Variants in TFDP3 observed in about 807,000 individuals in gnomAD.
TFDP3 encodes transcription factor Dp family member 3.
For missense variants in TFDP3, 353 were observed against 321.6 expected, an observed-to-expected ratio of 1.10 and a Z score of -0.75; for synonymous variants, 167 against 131.3, an observed-to-expected ratio of 1.27 and a Z score of -1.86.
At position 133,218,110 on chromosome X, in the gene TFDP3, A is replaced by C. The variant is rs1233070888; in HGVS notation, c.150T>G (p.Ser50Arg). The C allele has an allele frequency of 8.3e-7, 1 of 1,211,174 alleles. No individual in the cohort carries two copies. Among genetic ancestry groups the C allele is most frequent in the South Asian group, 1.8e-5 (1 of 56,813 alleles). The part of the protein sequence containing the change: ...QLLPKTFGQS[S>R]VNIDQQVVIG... ...TTACCACTTGCTGGTCAATGTTGAC[A>C]CTGGACTGTCCAAAGGTTTTCGGCA... The change falls in exon 1 of 1, where the codon AGT becomes AGG. Residue 50 changes from serine to arginine, a missense_variant. Transcript: ENST00000310125.
At position 133,216,921 on chromosome X, in the gene TFDP3, G is replaced by A. The variant is rs1205298883; in HGVS notation, c.*121C>T. 40 of 1,000,306 alleles carry A rather than the reference G, an allele frequency of 4.0e-5. No homozygotes were observed. Among genetic ancestry groups the A allele is most frequent in the Non-Finnish European group, 5.1e-5 (39 of 766,289 alleles). The allele number at this position is 1,000,306 out of a possible 1,213,427, so 82.4% of individuals were successfully genotyped here. A position where few individuals can be genotyped will look rare whatever the true frequency, so the allele number is the denominator to read the frequency against. ...CAGAGGTGCATATCTAAATTCTATAGCTTACCAATATCTTCTTGGGAGTAG... is the reference window on the plus strand; with the variant it reads ...CAGAGGTGCATATCTAAATTCTATAACTTACCAATATCTTCTTGGGAGTAG... On this transcript the variant is annotated 3_prime_UTR_variant, in exon 1 of 1. Transcript: ENST00000310125.
Position 133,217,963 on chromosome X carries a change from C to T in TFDP3, c.297G>A (p.Gln99=), listed in dbSNP as rs1466889995. Residue 99 remains glutamine, a synonymous_variant, in exon 1 of 1, where the codon CAG becomes CAA. Transcript: ENST00000310125. The part of the protein sequence containing the change: ...HSYSSPPWAG[Q]HNRKGEKNGM... ...CATTCTTCTCTCCTTTCCTGTTGTG[C>T]TGCCCGGCCCAAGGAGGTGAGGAGT... 1 of 1,211,693 alleles carries T rather than the reference C, an allele frequency of 8.3e-7. No individual in the cohort carries two copies.
In TFDP3 at chrX:133,218,143, C is replaced by G; in HGVS notation, c.117G>C (p.Lys39Asn). 8.3e-7 allele frequency: 1 copy of G among 1,208,836 alleles called. No individual in the cohort carries two copies. Among genetic ancestry groups the G allele is most frequent in the Non-Finnish European group, 1.1e-6 (1 of 894,001 alleles). Residue 39 changes from lysine to asparagine, a missense_variant, in exon 1 of 1, where the codon AAG becomes AAC. Coordinates refer to ENST00000310125, the MANE Select transcript of TFDP3 (RefSeq NM_016521.3). ...VHTSTVNPLG[K>N]QLLPKTFGQS... ...GTCCAAAGGTTTTCGGCAAGAGCTG[C>G]TTCCCGAGCGGGTTCACGGTGGAGG...
rs368319334 is a variant in TFDP3 at position 133,218,031 on chromosome X, T to G, written c.229A>C (p.Asn77His). ...GAGGCAAAGTGAGTGCTGGGTGGGT[T>G]TGGGCTTCCTACCACAGGGATGTTT... ...ASNIPVVGSP[N>H]PPSTHFASQN... The change falls in exon 1 of 1, where the codon AAC becomes CAC. Residue 77 changes from asparagine (N) to histidine (H), a missense_variant. Transcript: ENST00000310125. 12 of 1,209,854 alleles carry G rather than the reference T, an allele frequency of 9.9e-6. No homozygotes were observed. Among genetic ancestry groups the G allele is most frequent in the South Asian group, 1.8e-5 (1 of 56,761 alleles).
Position 133,218,140 on chromosome X carries a change from C to G in TFDP3, c.120G>C (p.Gln40His), listed in dbSNP as rs779782280. The G allele has an allele frequency of 5.8e-6, 7 of 1,207,416 alleles. No individual in the cohort carries two copies. Among genetic ancestry groups the G allele is most frequent in the Non-Finnish European group, 7.8e-6 (7 of 893,993 alleles). Reference protein sequence around the residue: ...HTSTVNPLGKQLLPKTFGQSS... With the variant: ...HTSTVNPLGKHLLPKTFGQSS... The stretch of plus-strand genomic sequence containing the variant: ...ACTGTCCAAAGGTTTTCGGCAAGAG[C>G]TGCTTCCCGAGCGGGTTCACGGTGG... Residue 40 changes from glutamine to histidine, a missense_variant, in exon 1 of 1, where the codon CAG (glutamine) becomes CAC (histidine). Coordinates refer to ENST00000310125, the MANE Select transcript of TFDP3 (RefSeq NM_016521.3).
Position 133,217,398 on chromosome X carries a change from T to C in TFDP3, c.862A>G (p.Ile288Val). Residue 288 changes from isoleucine to valine, a missense_variant, in exon 1 of 1, where the codon ATC becomes GTC. Transcript: ENST00000310125. ...YLFKFNSSFE[I>V]HDDTEVLMWM... is the part of the protein sequence containing the mutation. ...ATCAGCACTTCTGTGTCATCGTGGA[T>C]TTCAAAGGAGCTGTTAAACTTAAAC... is the stretch of plus-strand genomic sequence containing the variant. The C allele has an allele frequency of 8.3e-7, 1 of 1,211,869 alleles. No homozygotes were observed. Among genetic ancestry groups the C allele is most frequent in the African/African-American group, 1.7e-5 (1 of 57,808 alleles).
At position 133,217,938 on chromosome X, in the gene TFDP3, C is replaced by T. The variant is rs1253380221; in HGVS notation, c.322G>A (p.Gly108Ser). Residue 108 changes from glycine (G) to serine (S), a missense_variant, in exon 1 of 1, where the codon GGC becomes AGC. Coordinates refer to ENST00000310125, the MANE Select transcript of TFDP3 (RefSeq NM_016521.3). The part of the protein sequence containing the change: ...GQHNRKGEKN[G>S]MGLCRLSMKV... ...ATGGAAAGACGGCACAGGCCCATGC[C>T]ATTCTTCTCTCCTTTCCTGTTGTGC... The T allele has an allele frequency of 5.0e-6, 6 of 1,210,194 alleles. No homozygotes were observed. Among genetic ancestry groups the T allele is most frequent in the Admixed American group, 2.2e-5 (1 of 45,828 alleles).
In TFDP3 at chrX:133,217,570, G is replaced by T. The variant is rs761613082; in HGVS notation, c.690C>A (p.Asn230Lys). The change falls in exon 1 of 1, where the codon AAC becomes AAA. Residue 230 changes from asparagine to lysine, a missense_variant. Physicochemically the swap from Asn to Lys is moderately conservative, Grantham distance 94. Transcript: ENST00000310125. ...QLILQQIAFK[N>K]LVLRNQYVEE... The stretch of plus-strand genomic sequence containing the variant: ...CCACATACTGGTTTCTCAGCACCAG[G>T]TTCTTGAAAGCAATTTGCTGTAGAA... The T allele has an allele frequency of 2.5e-6, 3 of 1,211,704 alleles. No individual in the cohort carries two copies. Among genetic ancestry groups the T allele is most frequent in the African/African-American group, 1.7e-5 (1 of 57,797 alleles).
Position 133,217,475 on chromosome X carries a change from C to T in TFDP3, c.785G>A (p.Ser262Asn). ...IHVPFIIISS[S>N]KKTVINCSIS... is the part of the protein sequence containing the mutation. The stretch of plus-strand genomic sequence containing the variant: ...GCTGCAGTTGATGACGGTCTTCTTG[C>T]TACTGCTGATGATGATGAAGGGCAC... Residue 262 changes from serine (S) to asparagine (N), a missense_variant, in exon 1 of 1, where the codon AGC (serine) becomes AAC (asparagine). Ser to Asn is a conservative substitution (Grantham distance 46). Transcript: ENST00000310125. 8.3e-7 allele frequency: 1 copy of T among 1,212,054 alleles called. No homozygotes were observed. Among genetic ancestry groups the T allele is most frequent in the Non-Finnish European group, 1.1e-6 (1 of 895,595 alleles).
rs2068011640 is a variant in TFDP3, at chrX:133,216,689, A to G, written c.*353T>C. On this transcript the variant is annotated 3_prime_UTR_variant, in exon 1 of 1. Transcript: ENST00000310125. ...ACTGTGCACAAAAGGAGAGCATTTT[A>G]TTTTCATGGATGTGGATGAAGTACA... 6.5e-6 allele frequency: 1 copy of G among 153,189 alleles called. No homozygotes were observed. The highest frequency in any genetic ancestry group is 2.6e-3 in the Middle Eastern group (1 of 384). 12.6% of individuals were successfully genotyped at this position (153,189 alleles called of 1,213,427 possible). A position where few individuals can be genotyped will look rare whatever the true frequency, so the allele number is the denominator to read the frequency against.
chrX:133,217,793 T>C lies in TFDP3; in HGVS notation c.467A>G (p.Asp156Gly), dbSNP rs754122896. The C allele has an allele frequency of 3.3e-6, 4 of 1,209,705 alleles. No homozygotes were observed. The East Asian group carries it at 1.2e-4, about 36-fold the overall frequency. ...NHASPNESAYDVKNIKRRTYD... is the reference protein window; with the variant it reads ...NHASPNESAYGVKNIKRRTYD... ...GGTGCGCCGTTTTATGTTTTTCACGTCATAAGCTGACTCGTTTGGTGAGGC... is the reference window on the plus strand; with the variant it reads ...GGTGCGCCGTTTTATGTTTTTCACGCCATAAGCTGACTCGTTTGGTGAGGC... The change falls in exon 1 of 1, where the codon GAC (aspartate) becomes GGC (glycine). Residue 156 changes from aspartate (D) to glycine (G), a missense_variant. Transcript: ENST00000310125.
chrX:133,217,982 G>A lies in TFDP3; in HGVS notation c.278C>T (p.Ser93Leu). The A allele has an allele frequency of 8.3e-7, 1 of 1,211,989 alleles. No individual in the cohort carries two copies. The highest frequency in any genetic ancestry group is 1.1e-6 in the Non-Finnish European group (1 of 895,603). Reference protein sequence around the residue: ...FASQNQHSYSSPPWAGQHNRK... With the variant: ...FASQNQHSYSLPPWAGQHNRK... Reference sequence around the variant, plus strand: ...GTTGTGCTGCCCGGCCCAAGGAGGTGAGGAGTAGGAATGCTGGTTCTGAGA... The same window carrying A: ...GTTGTGCTGCCCGGCCCAAGGAGGTAAGGAGTAGGAATGCTGGTTCTGAGA... The change falls in exon 1 of 1, where the codon TCA becomes TTA. Residue 93 changes from serine (S) to leucine (L), a missense_variant. Coordinates refer to ENST00000310125, the MANE Select transcript of TFDP3 (RefSeq NM_016521.3).
At position 133,218,261 on chromosome X, in the gene TFDP3, T is replaced by C. The variant is rs1361224319; in HGVS notation, c.-2A>G. 8.9e-6 allele frequency: 10 copies of C among 1,119,058 alleles called. No individual in the cohort carries two copies. The highest frequency in any genetic ancestry group is 1.2e-5 in the Non-Finnish European group (10 of 850,769). The allele number at this position is 1,119,058 out of a possible 1,213,427, so 92.2% of individuals were successfully genotyped here. On this transcript the variant is annotated 5_prime_UTR_variant, in exon 1 of 1. Coordinates refer to ENST00000310125, the MANE Select transcript of TFDP3 (RefSeq NM_016521.3). ...AGTGAGACTGACATATTTTGCCATG[T>C]TAACAGATTTGGGAAATAAATGCTA...
Position 133,217,979 on chromosome X carries a change from G to C in TFDP3, c.281C>G (p.Pro94Arg). Residue 94 changes from proline (P) to arginine (R), a missense_variant, in exon 1 of 1, where the codon CCT becomes CGT. Transcript: ENST00000310125. The part of the protein sequence containing the change: ...ASQNQHSYSS[P>R]PWAGQHNRKG... ...CCTGTTGTGCTGCCCGGCCCAAGGA[G>C]GTGAGGAGTAGGAATGCTGGTTCTG... is the stretch of plus-strand genomic sequence containing the variant. 3.3e-6 allele frequency: 4 copies of C among 1,211,977 alleles called. No homozygotes were observed. Among genetic ancestry groups the C allele is most frequent in the Middle Eastern group, 2.3e-4 (1 of 4,352 alleles).
rs377699857 is a variant in TFDP3, at chrX:133,217,465, G to A, written c.795C>T (p.Thr265=). The A allele has an allele frequency of 3.6e-5, 44 of 1,210,132 alleles. No homozygotes were observed. The African/African-American group carries it at 7.3e-4, about 20-fold the overall frequency. ...PFIIISSSKK[T]VINCSISDDK... is the part of the protein sequence containing the mutation. ...CGTCGGAGATGCTGCAGTTGATGAC[G>A]GTCTTCTTGCTACTGCTGATGATGA... Residue 265 remains threonine, a synonymous_variant, in exon 1 of 1, where the codon ACC becomes ACT. Coordinates refer to ENST00000310125, the MANE Select transcript of TFDP3 (RefSeq NM_016521.3).
Position 133,217,790 on chromosome X carries a change from A to G in TFDP3, c.470T>C (p.Val157Ala). ...GTAGGTGCGCCGTTTTATGTTTTTCACGTCATAAGCTGACTCGTTTGGTGA... is the reference window on the plus strand; with the variant it reads ...GTAGGTGCGCCGTTTTATGTTTTTCGCGTCATAAGCTGACTCGTTTGGTGA... ...HASPNESAYDVKNIKRRTYDA... is the reference protein window; with the variant it reads ...HASPNESAYDAKNIKRRTYDA... The change falls in exon 1 of 1, where the codon GTG becomes GCG. Residue 157 changes from valine to alanine, a missense_variant. Transcript: ENST00000310125. The G allele has an allele frequency of 1.7e-6, 2 of 1,211,027 alleles. No homozygotes were observed. Among genetic ancestry groups the G allele is most frequent in the Non-Finnish European group, 1.1e-6 (1 of 895,385 alleles).
At position 133,216,974 on chromosome X, in the gene TFDP3, TAAA is replaced by T. The variant is rs111884715; in HGVS notation, c.*65_*67del. The stretch of plus-strand genomic sequence containing the variant: ...AAAAAAGAAACAGAAAACCTCACAT[TAAA>T]AAAAAAAAAAAAGTTTCTTTTCCCT... On this transcript the variant is annotated 3_prime_UTR_variant, in exon 1 of 1. Coordinates refer to ENST00000310125, the MANE Select transcript of TFDP3 (RefSeq NM_016521.3). 163 of 1,024,346 alleles carry T rather than the reference TAAA, an allele frequency of 1.6e-4. No homozygotes were observed. In the African/African-American group the frequency reaches 2.3e-3, roughly 14 times the overall value. 84.4% of individuals were successfully genotyped at this position (1,024,346 alleles called of 1,213,427 possible).
Position 133,218,188 on chromosome X carries a change from G to C in TFDP3, c.72C>G (p.Ser24Arg). 1 of 1,190,119 alleles carries C rather than the reference G, an allele frequency of 8.4e-7. No homozygotes were observed. The highest frequency in any genetic ancestry group is 1.1e-6 in the Non-Finnish European group (1 of 884,619). The change falls in exon 1 of 1, where the codon AGC becomes AGG. Residue 24 changes from serine to arginine, a missense_variant. Physicochemically the swap from Ser to Arg is moderately radical, Grantham distance 110. Coordinates refer to ENST00000310125, the MANE Select transcript of TFDP3 (RefSeq NM_016521.3). ...LKVLMDENQT[S>R]RPVAVHTSTV... is the part of the protein sequence containing the mutation. Reference sequence around the variant, plus strand: ...TGGAGGTGTGAACGGCCACGGGGCGGCTGGTCTGGTTCTCGTCCATTAAGA... The same window carrying C: ...TGGAGGTGTGAACGGCCACGGGGCGCCTGGTCTGGTTCTCGTCCATTAAGA...
chrX:133,218,300 T>C lies in TFDP3; in HGVS notation c.-41A>G, dbSNP rs947832189. ...AAATAAATGCTATAAATGTTCACCT[T>C]TCCAGAGAAGAAAAACAATTCTTCC... On this transcript the variant is annotated 5_prime_UTR_variant, in exon 1 of 1. Transcript: ENST00000310125. The C allele has an allele frequency of 9.3e-7, 1 of 1,074,955 alleles. No individual in the cohort carries two copies. Among genetic ancestry groups the C allele is most frequent in the Non-Finnish European group, 1.2e-6 (1 of 816,038 alleles). 88.6% of individuals were successfully genotyped at this position (1,074,955 alleles called of 1,213,427 possible). A position where few individuals can be genotyped will look rare whatever the true frequency, so the allele number is the denominator to read the frequency against.
Sources: gnomAD v4.1 joint callset for allele counts on GRCh38, gnomAD v4.1.1 for gene constraint, MANE v1.5 for transcripts, NCBI Gene and HGNC (gene_info 2026-07-23, HGNC 2026-07-21) for gene names.